The following CLIP2 variants were observed in gnomAD, a reference collection of about 807,000 sequenced individuals.
CLIP2 encodes the protein CAP-Gly domain containing linker protein 2.
CLIP2 carries 41 observed loss-of-function variants against 111.7 expected under a neutral mutation model. The observed-to-expected ratio is 0.37, with a 90% CI of 0.29 to 0.48. The LOEUF is 0.48. Among genes scored for constraint, CLIP2 ranks in the 20% least tolerant of loss-of-function variants. CLIP2 has a pLI of 0.99. For synonymous variants in CLIP2, 660 were observed against 644.2 expected (o/e 1.02, Z -0.37); for missense variants, 1,160 against 1,422.1 (o/e 0.82, Z 2.96).
chr7:74,336,028 C>A (rs1789444460), intron 2 of CLIP2, among the ~76,000 whole-genome samples: 2 of 150,984 alleles, frequency 1.3e-5, no homozygotes, highest in South Asian at 4.2e-4. Context: ...AGGCGTAAGC[C>A]ACTGCGCCTG....
At chr7:74,329,979 A>G (rs962262200) in intron 2 of CLIP2, among the ~76,000 whole-genome samples, 4 of 151,852 alleles carry the variant, frequency 2.6e-5, no homozygotes, top group African/African-American at 9.7e-5. Flanking sequence ...GGGTTTCGCC[A>G]TGTTGGTCAG....
At chr7:74,291,677 G>A (rs892140028) in intron 1 of CLIP2, among the ~76,000 whole-genome samples, 2 of 152,114 alleles carry the variant, frequency 1.3e-5, no homozygotes, top group Non-Finnish European at 2.9e-5. Flanking sequence ...GAGGAGGCTC[G>A]TGCCCCTTCC....
intron 1 of CLIP2, among the ~76,000 whole-genome samples, chr7:74,312,763 C>A (rs782143859): frequency 6.6e-5 from 10 of 152,112 alleles, no homozygotes; most frequent in Admixed American, 5.9e-4. Context: ...CAGGCATGCC[C>A]AGTGCTCTCG....
chr7:74,313,122 C>T (rs1788684551), intron 1 of CLIP2, among the ~76,000 whole-genome samples: 1 of 151,340 alleles, frequency 6.6e-6, no homozygotes, highest in Admixed American at 6.6e-5. Context: ...TTGGGACCAG[C>T]CTGGGCAACA....
chr7:74,347,295 G>C (rs1309805421), intron 3 of CLIP2, among the ~76,000 whole-genome samples: 2 of 152,106 alleles, frequency 1.3e-5, no homozygotes, highest in Non-Finnish European at 2.9e-5. Context: ...TTAAGATGGA[G>C]TCTCACTCTG....
intron 8 of CLIP2, among the ~76,000 whole-genome samples, chr7:74,366,688 C>T (rs1178638976): frequency 6.6e-5 from 10 of 152,058 alleles, no homozygotes; most frequent in Non-Finnish European, 1.3e-4. Context: ...ACCAGCCTGG[C>T]CAACGTGGTG....
At chr7:74,386,963 C>T (rs1791124113) in intron 12 of CLIP2, among the ~76,000 whole-genome samples, 1 of 147,718 alleles carries the variant, frequency 6.8e-6, no homozygotes, top group South Asian at 2.2e-4. Flanking sequence ...GCAGAGCTGC[C>T]AGTGAGCCGA....
At chr7:74,394,245 A>AT (rs56651501) in intron 13 of CLIP2, among the ~76,000 whole-genome samples, 2,587 of 117,250 alleles carry the variant, frequency 0.022, 63 homozygotes, top group African/African-American at 0.039. Flanking sequence ...TTTTCTTCTT[A>AT]TTTTTTTTTT....
intron 2 of CLIP2, among the ~76,000 whole-genome samples, chr7:74,327,089 T>G (rs1212458192): frequency 3.3e-5 from 5 of 152,012 alleles, no homozygotes; most frequent in African/African-American, 1.2e-4. Flanking sequence ...TCAGGAAAGT[T>G]TGGCAGTTCT....
chr7:74,400,011 G>A (rs1308205543), intron 14 of CLIP2, among the ~76,000 whole-genome samples: 3 of 151,616 alleles, frequency 2.0e-5, no homozygotes, highest in Non-Finnish European at 2.9e-5. Context: ...AAAAATTAGC[G>A]GGGCGTGGTG....
chr7:74,341,532 T>C (rs1216237492), intron 3 of CLIP2, among the ~76,000 whole-genome samples: 1 of 152,004 alleles, frequency 6.6e-6, no homozygotes, highest in Non-Finnish European at 1.5e-5. Flanking sequence ...GCCTGCCCAC[T>C]GTTCACTGAG....
At chr7:74,347,992 C>T (rs755252362) in intron 3 of CLIP2, among the ~76,000 whole-genome samples, 6 of 151,756 alleles carry the variant, frequency 4.0e-5, no homozygotes, top group Non-Finnish European at 8.8e-5. Flanking sequence ...CCAGCCTGGC[C>T]AACATGGTGA....
chr7:74,301,684 G>A (rs546293948), intron 1 of CLIP2, among the ~76,000 whole-genome samples: 17 of 149,334 alleles, frequency 1.1e-4, no homozygotes, highest in East Asian at 9.9e-4. Context: ...GAGCCACTGC[G>A]CCTGGCATTG....
intron 2 of CLIP2, among the ~76,000 whole-genome samples, chr7:74,333,998 C>T (rs1338966550): frequency 6.6e-6 from 1 of 152,202 alleles, no homozygotes; most frequent in Non-Finnish European, 1.5e-5. Flanking sequence ...TACATTGGCT[C>T]CCCTGGGAGG....
chr7:74,300,262 C>T (rs1285854379), intron 1 of CLIP2, among the ~76,000 whole-genome samples: 4 of 152,102 alleles, frequency 2.6e-5, no homozygotes, highest in Non-Finnish European at 5.9e-5. Context: ...GCTGGGATTA[C>T]AGGCATGAGC....
At chr7:74,375,700 T>C (rs1479318179) in intron 9 of CLIP2, among the ~76,000 whole-genome samples, 187 bp from the exon 10 acceptor site, 2 of 152,104 alleles carry the variant, frequency 1.3e-5, no homozygotes, top group African/African-American at 4.8e-5. Flanking sequence ...GATACTGTGA[T>C]GGGCCAGGCC....
At chr7:74,305,342 C>T (rs200724733) in intron 1 of CLIP2, among the ~76,000 whole-genome samples, 6 of 152,172 alleles carry the variant, frequency 3.9e-5, no homozygotes, top group East Asian at 3.9e-4. Context: ...TGGCCTCCCC[C>T]GCAAAGGCTG....
At chr7:74,318,263 G>A (rs1554729478) in intron 2 of CLIP2, among the ~76,000 whole-genome samples, 1 of 152,204 alleles carries the variant, frequency 6.6e-6, no homozygotes, top group African/African-American at 2.4e-5. Flanking sequence ...GGTGGCTGGG[G>A]CAGTCTGCTG....
At chr7:74,357,852 G>A (rs1790193259) in intron 6 of CLIP2, among the ~76,000 whole-genome samples, 1 of 151,314 alleles carries the variant, frequency 6.6e-6, no homozygotes, top group Non-Finnish European at 1.5e-5. Flanking sequence ...CACCTCCTCG[G>A]TTCAAGCGAT....
Sources: allele counts gnomAD v4.1 joint callset (sites outside exome capture counted in the v4.1 genomes callset), GRCh38; gene constraint gnomAD v4.1.1; transcripts MANE v1.5; gene names NCBI Gene and HGNC (gene_info 2026-07-23, HGNC 2026-07-21).